The following BLTP3A variants were observed in gnomAD, a reference collection of about 807,000 sequenced individuals.
BLTP3A encodes the protein ICBP90 binding protein 1.
chr6:34,829,581 T>C, the BLTP3A span, among the ~76,000 whole-genome samples: 2 of 152,270 alleles, frequency 1.3e-5, no homozygotes, highest in African/African-American at 4.8e-5. Flanking sequence ...TACCATTCCA[T>C]TACCTGAATA....
At chr6:34,814,008 T>C in the BLTP3A span, among the ~76,000 whole-genome samples, 1 of 146,530 alleles carries the variant, frequency 6.8e-6, no homozygotes. Flanking sequence ...ACATCTTTTA[T>C]TTTTATTTTT....
At chr6:34,797,351 T>C in the BLTP3A span, among the ~76,000 whole-genome samples, 1 of 152,222 alleles carries the variant, frequency 6.6e-6, no homozygotes, top group Admixed American at 6.5e-5. Flanking sequence ...GTTCAGCATT[T>C]CTTTTGGAGA....
chr6:34,800,631 A>G, the BLTP3A span, among the ~76,000 whole-genome samples: 1 of 152,200 alleles, frequency 6.6e-6, no homozygotes, highest in Non-Finnish European at 1.5e-5. Flanking sequence ...ACAGATAAAT[A>G]TTGGAAAAGA....
At chr6:34,796,332 A>G in the BLTP3A span, among the ~76,000 whole-genome samples, 1 of 152,202 alleles carries the variant, frequency 6.6e-6, no homozygotes, top group Non-Finnish European at 1.5e-5. Context: ...TTTGAAGAGA[A>G]TGGTATTCAA....
the BLTP3A span, among the ~76,000 whole-genome samples, chr6:34,839,894 C>T: frequency 6.6e-6 from 1 of 152,270 alleles, no homozygotes; most frequent in Non-Finnish European, 1.5e-5. Flanking sequence ...TAGCTTCACT[C>T]TGTCTGGGCG....
At chr6:34,860,015 C>T in the BLTP3A span, among the ~76,000 whole-genome samples, 1 of 152,154 alleles carries the variant, frequency 6.6e-6, no homozygotes, top group Non-Finnish European at 1.5e-5. Context: ...TTGATTTGAT[C>T]CCCACAGCAG....
the BLTP3A span, among the ~76,000 whole-genome samples, chr6:34,854,902 A>C: frequency 1.3e-5 from 2 of 152,240 alleles, no homozygotes; most frequent in Non-Finnish European, 1.5e-5. Flanking sequence ...GACAATACAC[A>C]CATGCAGAGG....
chr6:34,872,003 GGGGCAAAAA>G, the BLTP3A span: 1 of 1,420,190 alleles, frequency 7.0e-7, no homozygotes, highest in Non-Finnish European at 9.7e-7. Context: ...CCGGGGTTGG[GGGGCAAAAA>G]GGTTGCGTGT....
chr6:34,862,937 C>T, the BLTP3A span, among the ~76,000 whole-genome samples: 1 of 150,164 alleles, frequency 6.7e-6, no homozygotes, highest in Non-Finnish European at 1.5e-5. Context: ...GAGATGAAGT[C>T]TCACTCTGTC....
the BLTP3A span, chr6:34,873,369 C>G: frequency 6.6e-6 from 1 of 152,252 alleles, no homozygotes; most frequent in African/African-American, 2.4e-5. Flanking sequence ...AGCTCTGTGA[C>G]CTTACCAGTT....
chr6:34,833,380 T>TA, the BLTP3A span, among the ~76,000 whole-genome samples: 1 of 151,658 alleles, frequency 6.6e-6, no homozygotes, highest in Non-Finnish European at 1.5e-5. Context: ...TTCTTACCAC[T>TA]ACTTATGCAG....
the BLTP3A span, among the ~76,000 whole-genome samples, chr6:34,800,733 A>G: frequency 1.3e-5 from 2 of 152,182 alleles, no homozygotes; most frequent in African/African-American, 4.8e-5. Context: ...TCTTAGTAAA[A>G]GGGTATGTAG....
At chr6:34,826,031 T>C in the BLTP3A span, among the ~76,000 whole-genome samples, 2 of 147,310 alleles carry the variant, frequency 1.4e-5, no homozygotes, top group Non-Finnish European at 3.0e-5. Flanking sequence ...TTTGCATTTT[T>C]TTTTTTTTTT....
the BLTP3A span, among the ~76,000 whole-genome samples, chr6:34,840,654 C>T: frequency 4.0e-5 from 6 of 151,750 alleles, no homozygotes; most frequent in Admixed American, 1.3e-4. Context: ...CTCGCTCTGT[C>T]GCCCAGGCTG....
At chr6:34,829,053 A>AAAAAAAAAAAAAAAC in the BLTP3A span, among the ~76,000 whole-genome samples, 1 of 120,474 alleles carries the variant, frequency 8.3e-6, no homozygotes, top group African/African-American at 2.7e-5. Flanking sequence ...AAAAAAAAAA[A>AAAAAAAAAAAAAAAC]GAAGAAAACC....
chr6:34,842,063 A>G, the BLTP3A span, among the ~76,000 whole-genome samples: 1 of 152,172 alleles, frequency 6.6e-6, no homozygotes, highest in African/African-American at 2.4e-5. Context: ...AGATATGTTG[A>G]TAATTGTTAA....
At chr6:34,811,890 T>C in the BLTP3A span, among the ~76,000 whole-genome samples, 2 of 151,442 alleles carry the variant, frequency 1.3e-5, no homozygotes, top group Non-Finnish European at 2.9e-5. Flanking sequence ...CTTAGTTGGG[T>C]GTAGTGGAGT....
chr6:34,865,096 C>T, the BLTP3A span, among the ~76,000 whole-genome samples: 3 of 152,276 alleles, frequency 2.0e-5, no homozygotes, highest in South Asian at 6.2e-4. Flanking sequence ...ATTTTTGAGC[C>T]AAACTAATTA....
the BLTP3A span, among the ~76,000 whole-genome samples, chr6:34,798,300 G>A: frequency 6.6e-6 from 1 of 152,048 alleles, no homozygotes; most frequent in Non-Finnish European, 1.5e-5. Flanking sequence ...TACTGTTGAT[G>A]GACTTCTGGA....
Sources: gnomAD v4.1 joint callset for allele counts (sites outside exome capture counted in the v4.1 genomes callset) on GRCh38, gnomAD v4.1.1 for gene constraint, MANE v1.5 for transcripts, NCBI Gene and HGNC (gene_info 2026-07-23, HGNC 2026-07-21) for gene names.